Variants in KLHDC1 observed in about 807,000 individuals in gnomAD.
KLHDC1 encodes the protein kelch domain containing 1.
A neutral mutation model predicts 68.3 loss-of-function variants in KLHDC1; 53 were observed. The observed-to-expected ratio is 0.78, with a 90% CI of 0.62 to 0.98. The LOEUF (loss-of-function observed/expected upper bound fraction) is 0.98. Ranked by LOEUF, KLHDC1 falls within the 50% of genes least tolerant of loss-of-function variation. The pLI is 0.00. For missense variants in KLHDC1, 470 were observed against 492.3 expected (o/e 0.95, Z 0.43); for synonymous variants, 148 against 159.0 (o/e 0.93, Z 0.52).
intron 4 of KLHDC1, among the ~76,000 whole-genome samples, chr14:49,716,688 A>T (rs953753126): frequency 2.4e-4 from 37 of 152,082 alleles, no homozygotes; most frequent in African/African-American, 8.9e-4. Context: ...CCGGCTTGCT[A>T]TACCTTTTTG....
chr14:49,746,390 C>A (rs1372118607), intron 12 of KLHDC1, among the ~76,000 whole-genome samples: 2 of 151,894 alleles, frequency 1.3e-5, no homozygotes, highest in Non-Finnish European at 2.9e-5. Flanking sequence ...AGCATTAGGA[C>A]CTTACTACAT....
At chr14:49,736,977 A>G (rs1888944315) in intron 10 of KLHDC1, among the ~76,000 whole-genome samples, 1 of 152,240 alleles carries the variant, frequency 6.6e-6, no homozygotes, top group Non-Finnish European at 1.5e-5. Context: ...GCCAGATCTG[A>G]TAGCCTATAT....
At chr14:49,702,388 C>G (rs1887932581) in intron 1 of KLHDC1, among the ~76,000 whole-genome samples, 1 of 151,084 alleles carries the variant, frequency 6.6e-6, no homozygotes, top group Admixed American at 6.6e-5. Flanking sequence ...GTTTGTGTAA[C>G]CTTTTTGAGG....
chr14:49,727,749 A>G (rs1888707663), intron 6 of KLHDC1, among the ~76,000 whole-genome samples: 1 of 152,218 alleles, frequency 6.6e-6, no homozygotes, highest in Non-Finnish European at 1.5e-5. Flanking sequence ...TAAGTGTTAT[A>G]TAGGTAATAT....
intron 4 of KLHDC1, among the ~76,000 whole-genome samples, chr14:49,721,918 G>A (rs1320007144): frequency 3.3e-5 from 5 of 152,304 alleles, no homozygotes; most frequent in African/African-American, 1.2e-4. Context: ...TCTATAGGGT[G>A]TAAATATTTG....
chr14:49,711,910 C>CTTTTTTTTT (rs992092493), intron 4 of KLHDC1, among the ~76,000 whole-genome samples: 16 of 76,610 alleles, frequency 2.1e-4, no homozygotes, highest in South Asian at 4.4e-4. Context: ...TTTTCTTTTT[C>CTTTTTTTTT]TTTTTTTTTT....
intron 12 of KLHDC1, among the ~76,000 whole-genome samples, chr14:49,751,358 C>A (rs961361266): frequency 6.6e-6 from 1 of 151,832 alleles, no homozygotes; most frequent in African/African-American, 2.4e-5. Flanking sequence ...GGGATGGATA[C>A]CCCATTTTCT....
intron 8 of KLHDC1, among the ~76,000 whole-genome samples, chr14:49,729,924 A>G (rs891349285): frequency 6.6e-6 from 1 of 152,364 alleles, no homozygotes; most frequent in South Asian, 2.1e-4. Flanking sequence ...ATATTTAGCT[A>G]TCAACTTAGC....
chr14:49,696,218 C>G (rs925012348), intron 1 of KLHDC1, among the ~76,000 whole-genome samples: 8 of 149,608 alleles, frequency 5.3e-5, no homozygotes, highest in African/African-American at 2.0e-4. Flanking sequence ...GTTGCCCAGG[C>G]TGTGGTGCAG....
intron 12 of KLHDC1, among the ~76,000 whole-genome samples, chr14:49,749,677 CA>C (rs1191978580): frequency 0.03 from 1,606 of 53,800 alleles, 5 homozygotes; most frequent in Non-Finnish European, 0.041. Context: ...GACTCCGTCT[CA>C]AAAAAAAAAA....
In KLHDC1 at chr14:49,694,570, C is replaced by T. The variant is rs577117289; in HGVS notation, c.96+1280C>T. On this transcript the variant is annotated intron_variant, in intron 1 of 12. Coordinates refer to ENST00000359332, the MANE Select transcript of KLHDC1 (RefSeq NM_172193.3). ...ATGTGTAAAAAAAAAATGTACATAC[C>T]TGGCTGGGCGCGGTGGCTCACACCC... 7.2e-5 allele frequency among the ~76,000 whole-genome samples: 11 copies of T among 152,182 alleles called. No homozygotes were observed. The South Asian group carries it at 2.3e-3, about 32-fold the overall frequency.
chr14:49,728,820 G>T, intron 6 of KLHDC1, 106 bp from the exon 7 acceptor site: 1 of 794,306 alleles, frequency 1.3e-6, no homozygotes. Context: ...GAATTACATA[G>T]GTAATGATAA....
chr14:49,701,183 G>A (rs1887895944), intron 1 of KLHDC1, among the ~76,000 whole-genome samples: 1 of 152,072 alleles, frequency 6.6e-6, no homozygotes. Context: ...TCAAATCTGG[G>A]AAAATGATCA....
chr14:49,693,272 C>T lies in KLHDC1; in HGVS notation c.78C>T (p.Tyr26=). 1.9e-6 allele frequency: 3 copies of T among 1,556,798 alleles called. No individual in the cohort carries two copies. The highest frequency in any genetic ancestry group is 2.6e-6 in the Non-Finnish European group (3 of 1,153,028). The change falls in exon 1 of 13, where the codon TAC becomes TAT. Residue 26 remains tyrosine (Y), a synonymous_variant. Coordinates refer to ENST00000359332, the MANE Select transcript of KLHDC1 (RefSeq NM_172193.3). ...CCGTGGTGGACGGAAACTTCCTCTA[C>T]GTGTGGGGGGGCTACGTGGTAAGGG... ...HCAVVDGNFL[Y]VWGGYVSIED...
intron 10 of KLHDC1, among the ~76,000 whole-genome samples, chr14:49,737,664 A>C (rs1330011628): frequency 6.6e-6 from 1 of 151,666 alleles, no homozygotes; most frequent in Non-Finnish European, 1.5e-5. Context: ...CAGGAGTTCA[A>C]GACCAGCCTG....
chr14:49,711,910 CTTTTTTTT>C lies in KLHDC1; in HGVS notation c.404+1549_404+1556del, dbSNP rs992092493. On this transcript the variant is annotated intron_variant, in intron 4 of 12. Coordinates refer to ENST00000359332, the MANE Select transcript of KLHDC1 (RefSeq NM_172193.3). ...TTATATGTCTTTCTTTTTTCTTTTT[CTTTTTTTT>C]TTTTTTTTTTTTTTTTTTTGAGGCA... 4.0e-3 allele frequency among the ~76,000 whole-genome samples: 310 copies of C among 76,588 alleles called. 1 individual carries two copies. The highest frequency in any genetic ancestry group is 0.015 in the African/African-American group (294 of 20,050). The allele number at this position is 76,588 out of a possible 152,430, so 50.2% of individuals were successfully genotyped here.
chr14:49,751,555 G>C (rs1889320573), intron 12 of KLHDC1, 31 bp from the exon 13 acceptor site: 1 of 1,129,650 alleles, frequency 8.9e-7, no homozygotes, highest in East Asian at 2.6e-5. Context: ...TCAGGTTCAA[G>C]ACTAATAATT....
chr14:49,721,316 G>A (rs776012609), intron 4 of KLHDC1, among the ~76,000 whole-genome samples: 11 of 151,912 alleles, frequency 7.2e-5, no homozygotes, highest in Non-Finnish European at 1.5e-4. Flanking sequence ...GAGACTACAG[G>A]TATGCACCGC....
chr14:49,711,105 G>A (rs902361516), intron 4 of KLHDC1, among the ~76,000 whole-genome samples: 2 of 152,146 alleles, frequency 1.3e-5, no homozygotes, highest in Non-Finnish European at 2.9e-5. Context: ...CGATTCTCTG[G>A]CCTCAGCCTC....
Sources: gnomAD v4.1 joint callset for allele counts (sites outside exome capture counted in the v4.1 genomes callset) on GRCh38, gnomAD v4.1.1 for gene constraint, MANE v1.5 for transcripts, NCBI Gene and HGNC (gene_info 2026-07-23, HGNC 2026-07-21) for gene names.